Variants in C17orf75 observed in about 807,000 individuals in gnomAD.
C17orf75 encodes protein Njmu-R1.
Under a neutral mutation model 49.6 loss-of-function variants are expected in C17orf75, and 32 were observed. The ratio of observed to expected loss-of-function variants is 0.65; its 90% CI spans 0.49 to 0.87. The LOEUF is 0.87. Among genes scored for constraint, C17orf75 ranks in the 40% least tolerant of loss-of-function variants. The probability of loss-of-function intolerance (pLI) is 0.00; values close to 1 mark genes in which losing one functional copy is unlikely to be tolerated. For missense variants in C17orf75, 428 were observed against 473.9 expected, an observed-to-expected ratio of 0.90 and a Z score of 0.90; for synonymous variants, 158 against 159.5, an observed-to-expected ratio of 0.99 and a Z score of 0.07.
intron 5 of C17orf75, among the ~76,000 whole-genome samples, chr17:32,337,026 C>T (rs541548954): frequency 6.6e-6 from 1 of 152,082 alleles, no homozygotes; most frequent in Admixed American, 6.6e-5. Flanking sequence ...TGGTGCATGC[C>T]TGTGGTACCA....
chr17:32,346,873 A>G (rs1467539330), upstream of C17orf75, among the ~76,000 whole-genome samples: 1 of 152,202 alleles, frequency 6.6e-6, no homozygotes, highest in African/African-American at 2.4e-5. Context: ...TTTCATAGTA[A>G]AAGTGTTTTA....
At chr17:32,337,032 T>A (rs1271548784) in intron 5 of C17orf75, among the ~76,000 whole-genome samples, 1 of 152,132 alleles carries the variant, frequency 6.6e-6, no homozygotes, top group Non-Finnish European at 1.5e-5. Flanking sequence ...ATGCCTGTGG[T>A]ACCAGCTACT....
At chr17:32,348,317 A>G (rs2041443169) in intron 1 of C17orf75, among the ~76,000 whole-genome samples, 1 of 152,068 alleles carries the variant, frequency 6.6e-6, no homozygotes. Context: ...GCCACTGCGC[A>G]CAGCCCAAAC....
chr17:32,349,854 ATCTT>A (rs2041467567), intron 1 of C17orf75: 4 of 923,938 alleles, frequency 4.3e-6, no homozygotes, highest in Non-Finnish European at 5.2e-6. Flanking sequence ...CGCTGTCTCT[ATCTT>A]TATTTGTGAT....
At chr17:32,341,847 C>T in intron 1 of C17orf75, 153 bp downstream of exon 1, 7 of 1,076,010 alleles carry the variant, frequency 6.5e-6, no homozygotes, top group Non-Finnish European at 7.8e-6. Context: ...CGAGGAGCGC[C>T]CTTCAGGCCA....
chr17:32,349,011 G>A (rs1055285619), intron 1 of C17orf75, among the ~76,000 whole-genome samples: 1 of 151,610 alleles, frequency 6.6e-6, no homozygotes, highest in African/African-American at 2.4e-5. Flanking sequence ...GGTTACAGGC[G>A]CCTGCCACTA....
chr17:32,349,986 A>G (rs539536952), exon 1 of C17orf75: 4 of 1,266,576 alleles, frequency 3.2e-6, no homozygotes, highest in Admixed American at 6.5e-5. Context: ...AGTGCTCCGC[A>G]AGCACAGCCA....
chr17:32,346,121 A>C (rs1219370012), upstream of C17orf75, among the ~76,000 whole-genome samples: 3 of 152,106 alleles, frequency 2.0e-5, no homozygotes, highest in Non-Finnish European at 4.4e-5. Flanking sequence ...GCTTATCTAT[A>C]AACTCACTAC....
upstream of C17orf75, among the ~76,000 whole-genome samples, chr17:32,342,550 G>C (rs1175765615): frequency 6.6e-6 from 1 of 152,220 alleles, no homozygotes; most frequent in Non-Finnish European, 1.5e-5. Flanking sequence ...GTGAAAATAT[G>C]GGATAATTTT....
upstream of C17orf75, among the ~76,000 whole-genome samples, chr17:32,345,303 C>T (rs1418349485): frequency 2.7e-5 from 4 of 149,942 alleles, no homozygotes. Flanking sequence ...TGGTGAAACC[C>T]CGTCTCTATT....
intron 1 of C17orf75, among the ~76,000 whole-genome samples, chr17:32,349,341 G>A (rs952872583): frequency 1.3e-5 from 2 of 151,904 alleles, no homozygotes; most frequent in South Asian, 4.1e-4. Context: ...CAGCACTTTG[G>A]GAGGCCGAGG....
At chr17:32,348,645 GC>G (rs2041447419) in intron 1 of C17orf75, among the ~76,000 whole-genome samples, 1 of 152,168 alleles carries the variant, frequency 6.6e-6, no homozygotes, top group Non-Finnish European at 1.5e-5. Flanking sequence ...AAGTCAGGCA[GC>G]TAAGCAGTGG....
In C17orf75 at chr17:32,349,080, G is replaced by A. The variant is rs544527616; in HGVS notation, c.-7+862C>T. Reference sequence around the variant, plus strand: ...AGGGTTTCACCATGTCGGCCAGGCTGGTCTCGAACTCCTGACCTCAAGTGA... The same window carrying A: ...AGGGTTTCACCATGTCGGCCAGGCTAGTCTCGAACTCCTGACCTCAAGTGA... On this transcript the variant is annotated intron_variant, in intron 1 of 8. Transcript: ENST00000583774. Among the ~76,000 whole-genome samples, 180 of 151,654 alleles carry A rather than the reference G, an allele frequency of 1.2e-3. 3 individuals carry two copies. Among genetic ancestry groups the A allele is most frequent in the African/African-American group, 3.9e-3 (162 of 41,422 alleles).
intron 3 of C17orf75, among the ~76,000 whole-genome samples, 159 bp downstream of exon 3, chr17:32,339,654 A>G (rs2041360280): frequency 6.6e-6 from 1 of 152,206 alleles, no homozygotes; most frequent in Non-Finnish European, 1.5e-5. Context: ...AATTAATTCC[A>G]TTCCACAAAT....
At chr17:32,333,543 T>G (rs2041296743) in intron 8 of C17orf75, 23 bp from the exon 9 acceptor site, 2 of 1,517,946 alleles carry the variant, frequency 1.3e-6, no homozygotes, top group Non-Finnish European at 1.8e-6. Context: ...TCAGAGAGAC[T>G]AAATAAAATG....
At chr17:32,349,392 G>A (rs1057155359) in intron 1 of C17orf75, among the ~76,000 whole-genome samples, 137 of 151,888 alleles carry the variant, frequency 9.0e-4, no homozygotes, top group African/African-American at 3.1e-3. Context: ...GACCAGCCTC[G>A]CTAACATGGT....
intron 1 of C17orf75, among the ~76,000 whole-genome samples, chr17:32,348,304 T>TGA (rs2041442936): frequency 6.6e-6 from 1 of 152,148 alleles, no homozygotes; most frequent in Non-Finnish European, 1.5e-5. Context: ...ATTACAGGTG[T>TGA]GAGCCACTGC....
chr17:32,332,877 T>C (rs1445337471), intron 9 of C17orf75, among the ~76,000 whole-genome samples: 2 of 152,144 alleles, frequency 1.3e-5, no homozygotes, highest in Admixed American at 1.3e-4. Flanking sequence ...TGGCACAATC[T>C]GGGCTCACTG....
In C17orf75 at chr17:32,334,522, T is replaced by A; in HGVS notation, c.818A>T (p.His273Leu). ...SLCMAMTEEQ[H>L]KSVVIDCSSS... ...GCTGCAATCGATGACCACAGACTTA[T>A]GCTGCTCCTCTGTCATGGCCATGCA... The change falls in exon 8 of 10, where the codon CAT (histidine) becomes CTT (leucine). Residue 273 changes from histidine (H) to leucine (L), a missense_variant. By Grantham distance (99) the His-to-Leu change is moderately conservative. Transcript: ENST00000577809. 1 of 1,612,616 alleles carries A rather than the reference T, an allele frequency of 6.2e-7. No homozygotes were observed. The highest frequency in any genetic ancestry group is 1.1e-5 in the South Asian group (1 of 90,624).
Sources: gnomAD v4.1 joint callset for allele counts (sites outside exome capture counted in the v4.1 genomes callset) on GRCh38, gnomAD v4.1.1 for gene constraint, MANE v1.5 for transcripts, NCBI Gene and HGNC (gene_info 2026-07-23, HGNC 2026-07-21) for gene names.